EML6: variants seen among roughly 807,000 people sequenced by gnomAD.
The protein encoded by EML6 is echinoderm microtubule-associated protein-like 6.
Under a neutral mutation model 240.1 loss-of-function variants are expected in EML6, and 154 were observed. The ratio of observed to expected loss-of-function variants is 0.64; its 90% CI spans 0.56 to 0.73. The LOEUF (loss-of-function observed/expected upper bound fraction) is 0.73. EML6 is among the 30% of genes least tolerant of loss of function. The pLI is 0.00. For synonymous variants in EML6, 1,148 were observed against 899.0 expected (o/e 1.28, Z -4.95); for missense variants, 2,964 against 2,474.6 (o/e 1.20, Z -4.20).
At chr2:54,829,013 T>C (rs1396212613) in intron 6 of EML6, among the ~76,000 whole-genome samples, 1 of 152,216 alleles carries the variant, frequency 6.6e-6, no homozygotes, top group Non-Finnish European at 1.5e-5. Context: ...TAGTTGTCTT[T>C]TCTCTCTAAG....
At position 54,813,572 on chromosome 2, in the gene EML6, A is replaced by T. The variant is rs141197653; in HGVS notation, c.357+181A>T. Among the ~76,000 whole-genome samples the T allele has an allele frequency of 5.5e-4, 84 of 152,296 alleles. 1 individual carries two copies. In the East Asian group the frequency reaches 0.015, roughly 27 times the overall value. On this transcript the variant is annotated intron_variant, in intron 3 of 41. Transcript: ENST00000356458. Reference sequence around the variant, plus strand: ...CTATGGCACTAACACCAAACTCTGGACAGGCCTTGGTTTTTGTTCCCCTAG... The same window carrying T: ...CTATGGCACTAACACCAAACTCTGGTCAGGCCTTGGTTTTTGTTCCCCTAG...
chr2:54,957,565 G>T (rs961807835), intron 32 of EML6, among the ~76,000 whole-genome samples: 2 of 152,158 alleles, frequency 1.3e-5, no homozygotes, highest in Non-Finnish European at 2.9e-5. Flanking sequence ...GTTCATGAAT[G>T]CCTGGGTTGG....
chr2:54,883,517 A>G (rs968188612), intron 17 of EML6, among the ~76,000 whole-genome samples: 2 of 152,192 alleles, frequency 1.3e-5, no homozygotes, highest in African/African-American at 2.4e-5. Context: ...CAAGTCACCC[A>G]GTGTGCAGTT....
At chr2:54,919,920 A>G (rs1043455802) in intron 26 of EML6, among the ~76,000 whole-genome samples, 2 of 152,176 alleles carry the variant, frequency 1.3e-5, no homozygotes, top group Admixed American at 1.3e-4. Context: ...TATGTTTTGT[A>G]TTTTGCACAT....
chr2:54,846,280 A>T (rs573433755), intron 8 of EML6, among the ~76,000 whole-genome samples: 10 of 152,164 alleles, frequency 6.6e-5, no homozygotes, highest in Admixed American at 1.3e-4. Flanking sequence ...AAGGCCAACA[A>T]ATGTAACATA....
intron 32 of EML6, among the ~76,000 whole-genome samples, chr2:54,957,004 A>G (rs574666095): frequency 1.5e-4 from 23 of 152,346 alleles, no homozygotes; most frequent in Admixed American, 3.3e-4. Flanking sequence ...TACTACTACT[A>G]ATACTGGCTA....
intron 2 of EML6, among the ~76,000 whole-genome samples, chr2:54,748,020 A>C (rs1027475224): frequency 3.3e-5 from 5 of 152,182 alleles, no homozygotes; most frequent in Non-Finnish European, 7.4e-5. Flanking sequence ...TAAAATGTGC[A>C]AGGTATTCCA....
At chr2:54,846,374 T>C (rs1459569414) in intron 8 of EML6, among the ~76,000 whole-genome samples, 1 of 151,942 alleles carries the variant, frequency 6.6e-6, no homozygotes, top group Non-Finnish European at 1.5e-5. Flanking sequence ...ATTGATTATG[T>C]ATACTGATAT....
intron 12 of EML6, among the ~76,000 whole-genome samples, chr2:54,862,741 G>A (rs1328934693): frequency 6.6e-6 from 1 of 152,158 alleles, no homozygotes; most frequent in South Asian, 2.1e-4. Flanking sequence ...AAAGTTAAAG[G>A]CAGAGCATTA....
chr2:54,950,564 C>G (rs1346563529), intron 29 of EML6, 86 bp from the exon 30 acceptor site: 1 of 1,454,472 alleles, frequency 6.9e-7, no homozygotes, highest in Admixed American at 2.1e-5. Context: ...CTGGGACACA[C>G]GAGGCTGCTC....
intron 28 of EML6, among the ~76,000 whole-genome samples, chr2:54,929,126 C>G (rs1674719991): frequency 6.6e-6 from 1 of 152,196 alleles, no homozygotes; most frequent in Non-Finnish European, 1.5e-5. Flanking sequence ...ATTCTGAGGT[C>G]ATGGAGGAAT....
intron 28 of EML6, among the ~76,000 whole-genome samples, chr2:54,947,070 C>A (rs747474192): frequency 6.6e-6 from 1 of 152,036 alleles, no homozygotes; most frequent in African/African-American, 2.4e-5. Flanking sequence ...CCCCTGAAAT[C>A]GAGCCCTGTG....
intron 12 of EML6, among the ~76,000 whole-genome samples, chr2:54,862,382 C>T (rs941688473): frequency 2.3e-5 from 3 of 130,100 alleles, no homozygotes; most frequent in Non-Finnish European, 3.2e-5. Context: ...CTGAAGAGTA[C>T]TGCCACTGAA....
At chr2:54,846,336 T>C (rs140505311) in intron 8 of EML6, among the ~76,000 whole-genome samples, 220 of 152,224 alleles carry the variant, frequency 1.4e-3, no homozygotes, top group African/African-American at 5.0e-3. Context: ...GGAAGCACTT[T>C]TATATATTTA....
chr2:54,792,131 T>C (rs1326020222), intron 2 of EML6, among the ~76,000 whole-genome samples: 1 of 152,164 alleles, frequency 6.6e-6, no homozygotes, highest in African/African-American at 2.4e-5. Flanking sequence ...GAGTATAAAT[T>C]ACAGTGGGAA....
At chr2:54,902,090 G>A (rs924515076) in intron 22 of EML6, among the ~76,000 whole-genome samples, 3 of 152,138 alleles carry the variant, frequency 2.0e-5, no homozygotes, top group Non-Finnish European at 2.9e-5. Context: ...ATTACAATCC[G>A]TGGATCAGAG....
intron 7 of EML6, among the ~76,000 whole-genome samples, chr2:54,831,105 C>G (rs560999772): frequency 6.6e-6 from 1 of 152,212 alleles, no homozygotes; most frequent in South Asian, 2.1e-4. Flanking sequence ...AATGTTTGGT[C>G]CTGAACCATG....
intron 21 of EML6, among the ~76,000 whole-genome samples, chr2:54,896,349 T>C (rs1325415028): frequency 6.6e-6 from 1 of 152,198 alleles, no homozygotes; most frequent in Non-Finnish European, 1.5e-5. Context: ...CACTATAGTC[T>C]CAGCCTTGGT....
intron 3 of EML6, among the ~76,000 whole-genome samples, chr2:54,816,025 G>A (rs1320559312): frequency 6.6e-6 from 1 of 152,198 alleles, no homozygotes; most frequent in African/African-American, 2.4e-5. Flanking sequence ...GGTTAATTTT[G>A]CAAGGTGTTA....
Sources: allele counts gnomAD v4.1 joint callset (sites outside exome capture counted in the v4.1 genomes callset), GRCh38; gene constraint gnomAD v4.1.1; transcripts MANE v1.5; gene names NCBI Gene and HGNC (gene_info 2026-07-23, HGNC 2026-07-21).